Variants in ZNG1E observed in about 807,000 individuals in gnomAD.
ZNG1E encodes Zn regulated GTPase metalloprotein activator 1E.
the ZNG1E span, among the ~76,000 whole-genome samples, chr9:65,697,965 TG>T: frequency 6.8e-6 from 1 of 147,148 alleles, no homozygotes; most frequent in East Asian, 2.0e-4. Flanking sequence ...ACCACTTATT[TG>T]TTTCTAGGGT....
chr9:65,657,446 T>A, the ZNG1E span, among the ~76,000 whole-genome samples: 2 of 152,272 alleles, frequency 1.3e-5, no homozygotes, highest in Non-Finnish European at 2.9e-5. Context: ...GAGGACCTTA[T>A]GTTAAGTGAA....
chr9:65,695,999 C>T, the ZNG1E span, among the ~76,000 whole-genome samples: 2 of 147,684 alleles, frequency 1.4e-5, no homozygotes, highest in Non-Finnish European at 3.0e-5. Context: ...CCAAACTTTC[C>T]ATTTTGTTTT....
chr9:65,667,072 TG>T, the ZNG1E span, among the ~76,000 whole-genome samples: 2 of 152,260 alleles, frequency 1.3e-5, no homozygotes, highest in South Asian at 4.1e-4. Flanking sequence ...CCACCTGTCT[TG>T]GTCTCCCAAA....
the ZNG1E span, among the ~76,000 whole-genome samples, chr9:65,717,703 T>C: frequency 6.7e-6 from 1 of 149,348 alleles, no homozygotes; most frequent in African/African-American, 2.6e-5. Flanking sequence ...TTTCTTCCCC[T>C]TGGAGACAGG....
At chr9:65,680,965 A>G in the ZNG1E span, among the ~76,000 whole-genome samples, 1 of 152,158 alleles carries the variant, frequency 6.6e-6, no homozygotes, top group Non-Finnish European at 1.5e-5. Context: ...ATTTTTTGTA[A>G]TTTTAGTAGA....
At chr9:65,693,552 A>ATTTTTTTTTTTTTTTTTTTTTTTTTTTT in the ZNG1E span, 1 of 720,642 alleles carries the variant, frequency 1.4e-6, no homozygotes, top group Non-Finnish European at 1.8e-6. Context: ...GAACATGTTA[A>ATTTTTTTTTTTTTTTTTTTTTTTTTTTT]TTTTTTTTTT....
At chr9:65,684,850 A>G in the ZNG1E span, among the ~76,000 whole-genome samples, 3 of 152,202 alleles carry the variant, frequency 2.0e-5, no homozygotes, top group Admixed American at 6.6e-5. Flanking sequence ...GAATATCACA[A>G]TAGAGTGAGT....
the ZNG1E span, among the ~76,000 whole-genome samples, chr9:65,714,279 A>G: frequency 2.0e-5 from 3 of 150,284 alleles, no homozygotes; most frequent in Non-Finnish European, 4.4e-5. Context: ...CAAAGTTTTC[A>G]ACTTCTTTGC....
chr9:65,662,390 C>T, the ZNG1E span, among the ~76,000 whole-genome samples: 1 of 152,246 alleles, frequency 6.6e-6, no homozygotes, highest in Non-Finnish European at 1.5e-5. Flanking sequence ...GGACAACTGG[C>T]AAAATGTGAA....
At chr9:65,662,215 T>C in the ZNG1E span, among the ~76,000 whole-genome samples, 1 of 152,164 alleles carries the variant, frequency 6.6e-6, no homozygotes, top group African/African-American at 2.4e-5. Context: ...CAAATCCAAG[T>C]GAAGGAACAT....
the ZNG1E span, among the ~76,000 whole-genome samples, chr9:65,665,252 G>A: frequency 6.6e-6 from 1 of 152,276 alleles, no homozygotes; most frequent in Non-Finnish European, 1.5e-5. Flanking sequence ...AGAGGTTTAG[G>A]AGGAAAAAGT....
chr9:65,704,650 T>A, the ZNG1E span: 80 of 735,718 alleles, frequency 1.1e-4, 16 homozygotes, highest in Non-Finnish European at 1.2e-4. Context: ...CGGTGGCTCA[T>A]GCCTGTAATC....
the ZNG1E span, among the ~76,000 whole-genome samples, chr9:65,659,017 G>C: frequency 2.0e-5 from 3 of 152,144 alleles, no homozygotes; most frequent in South Asian, 4.2e-4. Context: ...AGTGAATTTT[G>C]GTGGAAAGTG....
the ZNG1E span, among the ~76,000 whole-genome samples, chr9:65,657,040 A>G: frequency 6.6e-6 from 1 of 151,886 alleles, no homozygotes; most frequent in Non-Finnish European, 1.5e-5. Flanking sequence ...AAAGGTAGAG[A>G]CCAAAGCAAA....
the ZNG1E span, among the ~76,000 whole-genome samples, chr9:65,717,761 C>T: frequency 1.4e-5 from 2 of 147,804 alleles, 1 homozygote; most frequent in African/African-American, 5.3e-5. Flanking sequence ...GATGTCAGCT[C>T]CCTATAGCCT....
the ZNG1E span, among the ~76,000 whole-genome samples, chr9:65,693,645 C>T: frequency 1.3e-5 from 2 of 150,998 alleles, no homozygotes; most frequent in East Asian, 1.9e-4. Flanking sequence ...GCAACCTCCA[C>T]CTCCCAGGTT....
chr9:65,673,817 G>T, the ZNG1E span, among the ~76,000 whole-genome samples: 1 of 152,298 alleles, frequency 6.6e-6, no homozygotes, highest in African/African-American at 2.4e-5. Context: ...AAAACAGAAA[G>T]AGGGATTTTA....
At chr9:65,663,074 G>T in the ZNG1E span, among the ~76,000 whole-genome samples, 12 of 152,322 alleles carry the variant, frequency 7.9e-5, no homozygotes, top group East Asian at 2.3e-3. Context: ...TAGGGCAAAG[G>T]CCTGTGAACC....
chr9:65,693,663 T>C, the ZNG1E span, among the ~76,000 whole-genome samples: 1 of 150,682 alleles, frequency 6.6e-6, no homozygotes, highest in Non-Finnish European at 1.5e-5. Context: ...GTTCAAGCGA[T>C]TCCCTTGTCT....
Sources: allele counts gnomAD v4.1 joint callset (sites outside exome capture counted in the v4.1 genomes callset), GRCh38; gene constraint gnomAD v4.1.1; transcripts MANE v1.5; gene names NCBI Gene and HGNC (gene_info 2026-07-23, HGNC 2026-07-21).